Variants in RASGEF1B observed in about 807,000 individuals in gnomAD.
RASGEF1B encodes the protein ras-GEF domain-containing family member 1B.
In RASGEF1B, 30 loss-of-function variants were observed where a neutral mutation model predicts 65.7. The ratio of observed to expected loss-of-function variants is 0.46; its 90% CI spans 0.34 to 0.62. The LOEUF (loss-of-function observed/expected upper bound fraction) is 0.62, where lower values mean the gene tolerates loss of function less well. Among genes scored for constraint, RASGEF1B ranks in the 20% least tolerant of loss-of-function variants. The pLI, the probability that RASGEF1B is intolerant of heterozygous loss-of-function variation, is 0.01. For missense variants in RASGEF1B, 495 were observed against 580.1 expected (o/e 0.85, Z 1.51); for synonymous variants, 175 against 194.8 (o/e 0.90, Z 0.85).
At chr4:81,448,320 C>A (rs374818405) in intron 4 of RASGEF1B, 36 bp from the exon 5 acceptor site, 1 of 1,570,488 alleles carries the variant, frequency 6.4e-7, no homozygotes, top group Non-Finnish European at 8.8e-7. Flanking sequence ...CCGTACTCTG[C>A]GTGTCTGGTT....
At chr4:81,445,900 T>C (rs1299580298) in intron 6 of RASGEF1B, 62 bp from the exon 7 acceptor site, 9 of 1,200,296 alleles carry the variant, frequency 7.5e-6, no homozygotes, top group Non-Finnish European at 9.8e-6. Context: ...TGGACTCTCA[T>C]TTTGTGAAAT....
Position 81,448,133 on chromosome 4 carries a change from C to A in RASGEF1B, c.590G>T (p.Arg197Met). ...GTCGTTGCAGACAGTAATGATATCC[C>A]TTTGTATAGACTGTGGCTTGGTCTT... ...VLKTKPQSIQ[R>M]DIITVCNDPY... is the part of the protein sequence containing the mutation. The change falls in exon 5 of 14, where the codon AGG (arginine) becomes ATG (methionine). Residue 197 changes from arginine to methionine, a missense_variant. By Grantham distance (91) the Arg-to-Met change is moderately conservative (BLOSUM62 -1). Coordinates refer to ENST00000264400, the MANE Select transcript of RASGEF1B (RefSeq NM_152545.3). 1.2e-6 allele frequency: 2 copies of A among 1,614,140 alleles called. No individual in the cohort carries two copies. Among genetic ancestry groups the A allele is most frequent in the Non-Finnish European group, 1.7e-6 (2 of 1,180,032 alleles).
chr4:81,454,698 C>G (rs541685686), intron 4 of RASGEF1B: 1 of 152,190 alleles, frequency 6.6e-6, no homozygotes, highest in Admixed American at 6.5e-5. Flanking sequence ...ATGATTATAA[C>G]CGTCATAACT....
At chr4:81,467,022 C>T (rs1487502580) in intron 1 of RASGEF1B, among the ~76,000 whole-genome samples, 1 of 150,368 alleles carries the variant, frequency 6.7e-6, no homozygotes, top group Non-Finnish European at 1.5e-5. Flanking sequence ...CAACTCACTT[C>T]TTTGGTATGT....
chr4:81,435,373 T>TGCAGTCC (rs1297902632), intron 10 of RASGEF1B, among the ~76,000 whole-genome samples: 3 of 126,550 alleles, frequency 2.4e-5, no homozygotes, highest in Non-Finnish European at 4.8e-5. Context: ...ATTGCGCCAC[T>TGCAGTCC]GCAGTCCGCA....
intron 2 of RASGEF1B, among the ~76,000 whole-genome samples, chr4:81,458,121 T>C (rs944432881): frequency 3.9e-5 from 6 of 152,202 alleles, no homozygotes; most frequent in African/African-American, 1.2e-4. Flanking sequence ...CACAGTAAAG[T>C]GTTTGTGTCA....
At chr4:81,447,981 G>A (rs1722095829) in intron 5 of RASGEF1B, 88 bp downstream of exon 5, 2 of 1,095,118 alleles carry the variant, frequency 1.8e-6, no homozygotes, top group African/African-American at 3.1e-5. Context: ...GACCTCTCCT[G>A]TGACATTACC....
chr4:81,460,359 T>C (rs1378150533), intron 1 of RASGEF1B, among the ~76,000 whole-genome samples: 6 of 152,158 alleles, frequency 3.9e-5, no homozygotes, highest in African/African-American at 1.4e-4. Flanking sequence ...CACCCGGCCC[T>C]GAGAACAGAC....
At position 81,439,400 on chromosome 4, in the gene RASGEF1B, G is replaced by A. The variant is rs200911446; in HGVS notation, c.1104+1434C>T. The stretch of plus-strand genomic sequence containing the variant: ...GACATAATTTATTAAATGATGTGAA[G>A]GGTAAATACTTGGGACTTTTTGTAG... On this transcript the variant is annotated intron_variant, in intron 10 of 13. Coordinates refer to ENST00000264400, the MANE Select transcript of RASGEF1B (RefSeq NM_152545.3). Among the ~76,000 whole-genome samples, 15 of 152,320 alleles carry A rather than the reference G, an allele frequency of 9.8e-5. No homozygotes were observed. The East Asian group carries it at 2.9e-3, about 29-fold the overall frequency.
At chr4:81,431,205 T>C (rs912530459) in intron 13 of RASGEF1B, among the ~76,000 whole-genome samples, 11 of 150,862 alleles carry the variant, frequency 7.3e-5, no homozygotes, top group African/African-American at 2.4e-4. Flanking sequence ...AAAATTTTAA[T>C]TGAAATGTGC....
chr4:81,451,735 A>T (rs1722268449), intron 4 of RASGEF1B: 1 of 152,262 alleles, frequency 6.6e-6, no homozygotes, highest in Non-Finnish European at 1.5e-5. Flanking sequence ...GACATGCACA[A>T]GAAAGTTCTT....
chr4:81,448,398 G>GA (rs1388237093), intron 4 of RASGEF1B, 114 bp from the exon 5 acceptor site: 2 of 881,172 alleles, frequency 2.3e-6, no homozygotes, highest in African/African-American at 1.6e-5. Flanking sequence ...GAATAAACTT[G>GA]GTTAAGGGCA....
intron 1 of RASGEF1B, among the ~76,000 whole-genome samples, chr4:81,462,141 A>T (rs759598108): frequency 3.9e-5 from 6 of 152,188 alleles, no homozygotes; most frequent in Non-Finnish European, 2.9e-5. Context: ...GCACCACCAG[A>T]TATGTTTTCC....
At chr4:81,430,222 A>C (rs986995348) in intron 13 of RASGEF1B, among the ~76,000 whole-genome samples, 4 of 152,038 alleles carry the variant, frequency 2.6e-5, no homozygotes, top group Admixed American at 6.6e-5. Context: ...AATGGCGTGA[A>C]CCCGGGAGGC....
chr4:81,436,339 A>G (rs1394026568), intron 10 of RASGEF1B, among the ~76,000 whole-genome samples: 1 of 152,176 alleles, frequency 6.6e-6, no homozygotes, highest in African/African-American at 2.4e-5. Flanking sequence ...CTTGCATAAT[A>G]TGTTTTGAGA....
chr4:81,436,843 T>C (rs1367476463), intron 10 of RASGEF1B, among the ~76,000 whole-genome samples: 1 of 152,242 alleles, frequency 6.6e-6, no homozygotes, highest in Non-Finnish European at 1.5e-5. Context: ...TTATTTTTGT[T>C]TCATTGATTT....
In RASGEF1B at chr4:81,431,598, A is replaced by C. The variant is rs1264113163; in HGVS notation, c.1397+701T>G. ...CAAGTATAATGAAGGCTCTCAAATGATTATGGGACCACAAAAATAAGAGAA... is the reference window on the plus strand; with the variant it reads ...CAAGTATAATGAAGGCTCTCAAATGCTTATGGGACCACAAAAATAAGAGAA... On this transcript the variant is annotated intron_variant, in intron 13 of 13. Coordinates refer to ENST00000264400, the MANE Select transcript of RASGEF1B (RefSeq NM_152545.3). Among the ~76,000 whole-genome samples, 5 of 152,196 alleles carry C rather than the reference A, an allele frequency of 3.3e-5. No individual in the cohort carries two copies. The East Asian group carries it at 9.6e-4, about 29-fold the overall frequency.
chr4:81,427,898 T>A, intron 13 of RASGEF1B, 106 bp from the exon 14 acceptor site: 1 of 1,198,836 alleles, frequency 8.3e-7, no homozygotes, highest in Non-Finnish European at 1.2e-6. Context: ...GTGTTTTAAG[T>A]TTGATTTTAC....
At chr4:81,447,614 GA>G in intron 5 of RASGEF1B, 36 bp from the exon 6 acceptor site, 1 of 1,531,724 alleles carries the variant, frequency 6.5e-7, no homozygotes, top group Non-Finnish European at 9.0e-7. Flanking sequence ...CAGTATTAAA[GA>G]AAATGAAAAG....
Sources: gnomAD v4.1 joint callset for allele counts (sites outside exome capture counted in the v4.1 genomes callset) on GRCh38, gnomAD v4.1.1 for gene constraint, MANE v1.5 for transcripts, NCBI Gene and HGNC (gene_info 2026-07-23, HGNC 2026-07-21) for gene names.